The following CCDC38 variants were observed in gnomAD, a reference collection of about 807,000 sequenced individuals.
The protein encoded by CCDC38 is coiled-coil domain-containing protein 38.
CCDC38 carries 69 observed loss-of-function variants against 72.8 expected under a neutral mutation model. The observed-to-expected ratio is 0.95, with a 90% CI of 0.78 to 1.16. The LOEUF is 1.16. CCDC38 is among the 50% of genes most tolerant of loss of function. The pLI is 0.00. For synonymous variants in CCDC38, 201 were observed against 213.2 expected, an observed-to-expected ratio of 0.94 and a Z score of 0.50; for missense variants, 626 against 638.9, an observed-to-expected ratio of 0.98 and a Z score of 0.22.
chr12:95,904,452 AT>A (rs2079981031), intron 5 of CCDC38, among the ~76,000 whole-genome samples: 1 of 152,214 alleles, frequency 6.6e-6, no homozygotes, highest in Non-Finnish European at 1.5e-5. Context: ...TATTATACTC[AT>A]GGGTATAGTT....
intron 10 of CCDC38, 53 bp from the exon 11 acceptor site, chr12:95,881,607 C>T (rs887496116): frequency 3.1e-5 from 45 of 1,460,464 alleles, no homozygotes; most frequent in Non-Finnish European, 4.3e-5. Context: ...CATTTTCTGT[C>T]AACAGGTTTG....
intron 7 of CCDC38, among the ~76,000 whole-genome samples, chr12:95,895,668 G>T (rs1009367024): frequency 6.9e-6 from 1 of 145,694 alleles, no homozygotes; most frequent in Non-Finnish European, 1.5e-5. Flanking sequence ...CAGGAGAATC[G>T]CTTGAACCCG....
chr12:95,867,089 T>A lies in CCDC38; in HGVS notation c.1679A>T (p.Tyr560Phe), dbSNP rs1300548241. Residue 560 changes from tyrosine to phenylalanine, a missense_variant, in exon 16 of 16, where the codon TAT (tyrosine) becomes TTT (phenylalanine). Transcript: ENST00000344280. ...ETKTKSQEEE[Y>F]FFT ...TACTGCTTTTATTCAAGTAAAAAAATATTCTTCCTCTTGTGATTTTGTTTT... is the reference window on the plus strand; with the variant it reads ...TACTGCTTTTATTCAAGTAAAAAAAAATTCTTCCTCTTGTGATTTTGTTTT... 2 of 1,571,168 alleles carry A rather than the reference T, an allele frequency of 1.3e-6. No individual in the cohort carries two copies. The highest frequency in any genetic ancestry group is 2.3e-5 in the South Asian group (2 of 88,806).
chr12:95,895,926 C>T (rs2079883117), intron 7 of CCDC38, among the ~76,000 whole-genome samples: 1 of 150,046 alleles, frequency 6.7e-6, no homozygotes, highest in Non-Finnish European at 1.5e-5. Flanking sequence ...CGTGGTGGCG[C>T]ATGCCTGTAA....
At chr12:95,942,883 C>T (rs915774307), upstream of CCDC38, 1 of 153,120 alleles carries the variant, frequency 6.5e-6, no homozygotes, top group East Asian at 1.9e-4. Flanking sequence ...ACAGCTTTCC[C>T]CTACTCTGCC....
intron 7 of CCDC38, 144 bp downstream of exon 7, chr12:95,898,241 A>G (rs2079911823): frequency 2.5e-6 from 2 of 786,690 alleles, no homozygotes; most frequent in South Asian, 1.7e-5. Flanking sequence ...CTTGATGGAC[A>G]GGTTACTTAT....
At chr12:95,897,968 T>C (rs2121475832) in intron 7 of CCDC38, among the ~76,000 whole-genome samples, 1 of 152,198 alleles carries the variant, frequency 6.6e-6, no homozygotes, top group African/African-American at 2.4e-5. Flanking sequence ...GACTGTAAGA[T>C]GATCGTAGAA....
chr12:95,916,387 T>G (rs866154974), intron 4 of CCDC38, among the ~76,000 whole-genome samples: 62 of 125,120 alleles, frequency 5.0e-4, no homozygotes, highest in African/African-American at 1.1e-3. Flanking sequence ...CTGCCTTCCT[T>G]CCTTCCTTCC....
rs80195035 is a variant in CCDC38 at position 95,869,246 on chromosome 12, A to C, written c.1578+234T>G. On this transcript the variant is annotated intron_variant, in intron 15 of 15. Coordinates refer to ENST00000344280, the MANE Select transcript of CCDC38 (RefSeq NM_182496.3). ...TCTGATTTTAATGAACCTAGGTCTA[A>C]AAAGAGGAGAGAAGAGGCTTCTTTT... Among the ~76,000 whole-genome samples the C allele has an allele frequency of 4.4e-3, 663 of 152,298 alleles. 4 individuals are homozygous for C. The highest frequency in any genetic ancestry group is 0.015 in the African/African-American group (644 of 41,564).
intron 13 of CCDC38, among the ~76,000 whole-genome samples, chr12:95,874,368 C>G (rs982033392): frequency 2.0e-5 from 3 of 152,114 alleles, no homozygotes; most frequent in African/African-American, 7.2e-5. Flanking sequence ...AGGGCAGTGG[C>G]TTTTTACGAT....
rs771785514 is a variant in CCDC38, at chr12:95,879,556, G to A, written c.1142+88C>T. On this transcript the variant is annotated intron_variant, in intron 12 of 15. Coordinates refer to ENST00000344280, the MANE Select transcript of CCDC38 (RefSeq NM_182496.3). This position sits in a 1 kb window ranked among gnomAD's most constrained non-coding sequence, Gnocchi z 5.5. ...CCCAGCCTACATTCACAGAGACCAC[G>A]AGGAAGAGCCACATGTGAGTGAGTT... 19 of 890,240 alleles carry A rather than the reference G, an allele frequency of 2.1e-5. No homozygotes were observed. Among genetic ancestry groups the A allele is most frequent in the Admixed American group, 4.8e-5 (2 of 42,090 alleles). The allele number at this position is 890,240 out of a possible 1,614,324, so 55.1% of individuals were successfully genotyped here.
chr12:95,927,796 G>A (rs1263576108), intron 2 of CCDC38, among the ~76,000 whole-genome samples: 3 of 149,470 alleles, frequency 2.0e-5, no homozygotes, highest in African/African-American at 4.9e-5. Flanking sequence ...CTTCACTTAC[G>A]AAGCTTAGTT....
At position 95,867,172 on chromosome 12, in the gene CCDC38, G is replaced by A; in HGVS notation, c.1596C>T (p.Val532=). The A allele has an allele frequency of 1.9e-6, 3 of 1,592,670 alleles. No individual in the cohort carries two copies. The highest frequency in any genetic ancestry group is 2.6e-6 in the Non-Finnish European group (3 of 1,164,160). Residue 532 remains valine (V), a synonymous_variant, in exon 16 of 16, where the codon GTC becomes GTT. Coordinates refer to ENST00000344280, the MANE Select transcript of CCDC38 (RefSeq NM_182496.3). ...TACCAGATGGAGGTTTTGAATGAAA[G>A]ACAAGTCGTCTTCCCAACTGAAACA... ...QPKKKLGRRL[V]FHSKPPSGNK... is the part of the protein sequence containing the mutation.
At chr12:95,919,416 G>A (rs919500418) in intron 2 of CCDC38, 4 of 419,258 alleles carry the variant, frequency 9.5e-6, no homozygotes, top group African/African-American at 2.0e-5. Flanking sequence ...ATACTTCTAC[G>A]TTAGGGTTTT....
chr12:95,906,522 A>G, intron 4 of CCDC38, 71 bp from the exon 5 acceptor site: 1 of 1,048,484 alleles, frequency 9.5e-7, no homozygotes, highest in Admixed American at 2.0e-5. Flanking sequence ...AATAAAAGCC[A>G]TATAATTAAA....
At chr12:95,917,808 T>C (rs1007036444) in intron 3 of CCDC38, among the ~76,000 whole-genome samples, 1 of 139,638 alleles carries the variant, frequency 7.2e-6, no homozygotes, top group Non-Finnish European at 1.5e-5. Context: ...GTGGTAAAGG[T>C]GGCAGTGAGC....
At chr12:95,933,741 C>A (rs1464268514) in intron 2 of CCDC38, 2 of 152,170 alleles carry the variant, frequency 1.3e-5, no homozygotes, top group Non-Finnish European at 2.9e-5. Flanking sequence ...TTATTAGCAG[C>A]ACCATTTAGT....
Position 95,883,175 on chromosome 12 carries a change from A to C in CCDC38, c.921-1621T>G, listed in dbSNP as rs558831253. Among the ~76,000 whole-genome samples, 2 of 152,284 alleles carry C rather than the reference A, an allele frequency of 1.3e-5. 1 individual carries two copies. Among genetic ancestry groups the C allele is most frequent in the South Asian group, 4.1e-4 (2 of 4,828 alleles). On this transcript the variant is annotated intron_variant, in intron 10 of 15. Transcript: ENST00000344280. ...TCCAATCTCTCTCACCTGAATTGTG[A>C]CAATAGACTCCTAACTGGCCACTGT... is the stretch of plus-strand genomic sequence containing the variant.
At chr12:95,918,179 G>A (rs1483413251) in intron 3 of CCDC38, among the ~76,000 whole-genome samples, 1 of 152,188 alleles carries the variant, frequency 6.6e-6, no homozygotes, top group Non-Finnish European at 1.5e-5. Flanking sequence ...GGCGATGTAG[G>A]TGTGATGACC....
Sources: gnomAD v4.1 joint callset for allele counts (sites outside exome capture counted in the v4.1 genomes callset) on GRCh38, gnomAD v4.1.1 for gene constraint, Gnocchi (gnomAD v3.1) non-coding constraint, MANE v1.5 for transcripts, NCBI Gene and HGNC (gene_info 2026-07-23, HGNC 2026-07-21) for gene names.